BRWD1: variants seen among roughly 807,000 people sequenced by gnomAD.
BRWD1 encodes the protein bromodomain and WD repeat domain containing 1.
Under a neutral mutation model 251.2 loss-of-function variants are expected in BRWD1, and 82 were observed. The ratio of observed to expected loss-of-function variants is 0.33; its 90% CI spans 0.27 to 0.39. The LOEUF (loss-of-function observed/expected upper bound fraction) is 0.39. BRWD1 is among the 10% of genes least tolerant of loss of function. The pLI, the probability that BRWD1 is intolerant of heterozygous loss-of-function variation, is 1.00. For synonymous variants in BRWD1, 918 were observed against 902.8 expected, an observed-to-expected ratio of 1.02 and a Z score of -0.30; for missense variants, 2,233 against 2,711.6, an observed-to-expected ratio of 0.82 and a Z score of 3.92.
At chr21:39,262,300 C>T (rs558273928) in intron 17 of BRWD1, among the ~76,000 whole-genome samples, 1 of 152,230 alleles carries the variant, frequency 6.6e-6, no homozygotes, top group South Asian at 2.1e-4. Context: ...TGATAATATA[C>T]CCATCTATTC....
In BRWD1 at chr21:39,190,398, AG is replaced by A; in HGVS notation, c.*5860del. On this transcript the variant is annotated 3_prime_UTR_variant, in exon 41 of 41. Transcript: ENST00000342449. ...AGCATTTAAAACAGATTTGAGAATGAGAAAAGAATGTCTGACTCAAAATGAA... is the reference window on the plus strand; with the variant it reads ...AGCATTTAAAACAGATTTGAGAATGAAAAAGAATGTCTGACTCAAAATGAA... 2 of 985,398 alleles carry A rather than the reference AG, an allele frequency of 2.0e-6. No individual in the cohort carries two copies. The highest frequency in any genetic ancestry group is 2.4e-6 in the Non-Finnish European group (2 of 829,900). The allele number at this position is 985,398 out of a possible 1,614,324, so 61.0% of individuals were successfully genotyped here.
In BRWD1 at chr21:39,193,831, T is replaced by C; in HGVS notation, c.*2428A>G. On this transcript the variant is annotated 3_prime_UTR_variant, in exon 41 of 41. Coordinates refer to ENST00000342449, the MANE Select transcript of BRWD1 (RefSeq NM_033656.4). ...CATGTTCTAGTGCTCAATGTAAACA[T>C]TTTAACTATTAATGATTTATTAATT... 1 of 985,354 alleles carries C rather than the reference T, an allele frequency of 1.0e-6. No individual in the cohort carries two copies. Among genetic ancestry groups the C allele is most frequent in the Non-Finnish European group, 1.2e-6 (1 of 829,500 alleles). 61.0% of individuals were successfully genotyped at this position (985,354 alleles called of 1,614,324 possible). A position where few individuals can be genotyped will look rare whatever the true frequency, so the allele number is the denominator to read the frequency against.
chr21:39,313,784 C>T, upstream of BRWD1: 1 of 382,828 alleles, frequency 2.6e-6, no homozygotes, highest in Non-Finnish European at 4.7e-6. Context: ...CCTCCGGGGA[C>T]TCGATGAGGA....
At position 39,255,836 on chromosome 21, in the gene BRWD1, A is replaced by T; in HGVS notation, c.2072-8T>A. ...AGCTCAGCCTTCTAAAACCTAGGAA[A>T]ATATGATGGGGAAGTGATTCCAATA... On this transcript the variant is annotated splice_polypyrimidine_tract_variant and splice_region_variant and intron_variant, in intron 18 of 40. Transcript: ENST00000342449. 3 of 1,612,174 alleles carry T rather than the reference A, an allele frequency of 1.9e-6. No individual in the cohort carries two copies. The highest frequency in any genetic ancestry group is 2.5e-6 in the Non-Finnish European group (3 of 1,178,248).
upstream of BRWD1, chr21:39,314,336 T>TG (rs1379368102): frequency 2.2e-6 from 1 of 455,700 alleles, no homozygotes; most frequent in Admixed American, 2.4e-5. Context: ...TTACATAAAA[T>TG]GCAGCGCTTC....
At chr21:39,230,807 T>TAAA (rs554938911) in intron 25 of BRWD1, among the ~76,000 whole-genome samples, 26 of 139,896 alleles carry the variant, frequency 1.9e-4, no homozygotes, top group African/African-American at 6.6e-4. Flanking sequence ...TGCGAGAGCT[T>TAAA]AAAAAAAAAA....
chr21:39,248,439 T>G (rs1402628931), intron 20 of BRWD1, among the ~76,000 whole-genome samples: 1 of 151,322 alleles, frequency 6.6e-6, no homozygotes, highest in East Asian at 1.9e-4. Flanking sequence ...TGGAGAAACC[T>G]GCCCCTAAAA....
rs1421081258 is a variant in BRWD1 at position 39,215,353 on chromosome 21, A to G, written c.3669T>C (p.Ser1223=). Residue 1223 remains serine, a synonymous_variant, in exon 32 of 41, where the codon TCT becomes TCC. Transcript: ENST00000342449. Reference sequence around the variant, plus strand: ...TATATCTGACTTCCCAAACTAACGCAGACAGCCTCCTTCAAAATAAAGTAG... The same window carrying G: ...TATATCTGACTTCCCAAACTAACGCGGACAGCCTCCTTCAAAATAAAGTAG... ...RLVNRFYRRL[S]ALVWEVRYIE... is the part of the protein sequence containing the mutation. 3.1e-6 allele frequency: 5 copies of G among 1,613,222 alleles called. No individual in the cohort carries two copies. In the African/African-American group the frequency reaches 6.7e-5, roughly 22 times the overall value.
chr21:39,293,090 G>C (rs551653452), intron 8 of BRWD1, among the ~76,000 whole-genome samples: 1 of 152,310 alleles, frequency 6.6e-6, no homozygotes, highest in African/African-American at 2.4e-5. Context: ...AGTTAGGAAA[G>C]AATTGGCCAT....
chr21:39,251,011 A>G (rs2034376506), intron 19 of BRWD1, 122 bp from the exon 20 acceptor site: 1 of 605,594 alleles, frequency 1.7e-6, no homozygotes, highest in Non-Finnish European at 2.8e-6. Flanking sequence ...AATACACAAA[A>G]TCTCTGAAGT....
intron 20 of BRWD1, among the ~76,000 whole-genome samples, chr21:39,248,869 C>A (rs558335444): frequency 2.0e-5 from 3 of 151,888 alleles, no homozygotes; most frequent in Admixed American, 6.6e-5. Flanking sequence ...GGGTATATAC[C>A]CAAAGGAAAA....
chr21:39,312,212 C>T (rs186282177), intron 4 of BRWD1, among the ~76,000 whole-genome samples: 8 of 152,312 alleles, frequency 5.3e-5, no homozygotes, highest in Non-Finnish European at 8.8e-5. Flanking sequence ...CTATTTAAAG[C>T]ACTTTATTGT....
chr21:39,215,101 C>T (rs549370128), intron 32 of BRWD1, 136 bp downstream of exon 32: 19 of 765,160 alleles, frequency 2.5e-5, no homozygotes, highest in South Asian at 1.7e-4. Context: ...AATGCCTGAC[C>T]GCAAGTGATC....
upstream of BRWD1, chr21:39,314,432 G>A (rs1415140480): frequency 2.3e-6 from 1 of 428,452 alleles, no homozygotes; most frequent in Admixed American, 2.5e-5. Context: ...AGGAAAACGG[G>A]ACTGTGGGGA....
intron 4 of BRWD1, among the ~76,000 whole-genome samples, chr21:39,308,700 A>G (rs1447497980): frequency 6.6e-6 from 1 of 152,176 alleles, no homozygotes; most frequent in East Asian, 1.9e-4. Context: ...CAGATTTTAT[A>G]AAGCTCCCCA....
At chr21:39,253,323 C>T (rs1040051609) in intron 19 of BRWD1, among the ~76,000 whole-genome samples, 1 of 148,554 alleles carries the variant, frequency 6.7e-6, no homozygotes, top group Non-Finnish European at 1.5e-5. Flanking sequence ...GACTAGAAGC[C>T]AAGCTCCACG....
chr21:39,230,284 C>A (rs917012221), intron 25 of BRWD1, among the ~76,000 whole-genome samples: 1 of 152,138 alleles, frequency 6.6e-6, no homozygotes, highest in Non-Finnish European at 1.5e-5. Flanking sequence ...AGTCAACCTT[C>A]CCCCCAGTGT....
At chr21:39,278,596 C>T (rs1447321052) in intron 10 of BRWD1, 147 bp downstream of exon 10, 2 of 585,510 alleles carry the variant, frequency 3.4e-6, no homozygotes, top group Non-Finnish European at 5.9e-6. Context: ...ACAAGGCTAA[C>T]AAAATAAACA....
At chr21:39,295,230 A>C (rs1264361413) in intron 7 of BRWD1, among the ~76,000 whole-genome samples, 1 of 113,416 alleles carries the variant, frequency 8.8e-6, no homozygotes, top group Non-Finnish European at 1.6e-5. Context: ...TCTGTCGCCC[A>C]GGCTGGAGAG....
Sources: allele counts gnomAD v4.1 joint callset (sites outside exome capture counted in the v4.1 genomes callset), GRCh38; gene constraint gnomAD v4.1.1; transcripts MANE v1.5; gene names NCBI Gene and HGNC (gene_info 2026-07-23, HGNC 2026-07-21).